Variants in WDR35 observed in about 807,000 individuals in gnomAD.
The protein encoded by WDR35 is WD repeat-containing protein 35.
WDR35 carries 118 observed loss-of-function variants against 158.3 expected under a neutral mutation model. That is an observed-to-expected ratio of 0.75 (90% confidence interval 0.64 to 0.87). The LOEUF is 0.87. Among genes scored for constraint, WDR35 ranks in the 40% least tolerant of loss-of-function variants. WDR35 has a pLI of 0.00. For synonymous variants in WDR35, 448 were observed against 476.1 expected (o/e 0.94, Z 0.77); for missense variants, 1,263 against 1,405.8 (o/e 0.90, Z 1.62).
intron 5 of WDR35, among the ~76,000 whole-genome samples, chr2:19,976,558 C>T (rs1318951429): frequency 2.0e-5 from 3 of 152,060 alleles, no homozygotes; most frequent in East Asian, 3.8e-4. Flanking sequence ...AGAAACCAAA[C>T]CTGTTGACAT....
In WDR35 at chr2:19,941,840, C is replaced by A; in HGVS notation, c.1846-1G>T. 1 of 1,561,822 alleles carries A rather than the reference C, an allele frequency of 6.4e-7. No homozygotes were observed. The highest frequency in any genetic ancestry group is 2.3e-5 in the East Asian group (1 of 44,034). On this transcript the variant is annotated splice_acceptor_variant, in intron 16 of 26. Coordinates refer to ENST00000281405, the MANE Select transcript of WDR35 (RefSeq NM_020779.4). LOFTEE classifies it high-confidence loss of function. ...TATATCCAGAGGTCTGAATGGGTTC[C>A]TTTAAAGACAAAAAAAAAGTTATGT...
intron 4 of WDR35, among the ~76,000 whole-genome samples, chr2:19,980,166 C>T (rs937764486): frequency 6.6e-6 from 1 of 152,218 alleles, no homozygotes; most frequent in South Asian, 2.1e-4. Context: ...TTTTTATCTA[C>T]TGAGATAACT....
At chr2:19,927,725 A>C (rs1670401086) in intron 25 of WDR35, among the ~76,000 whole-genome samples, 1 of 152,256 alleles carries the variant, frequency 6.6e-6, no homozygotes, top group Non-Finnish European at 1.5e-5. Flanking sequence ...CAAAATTAAA[A>C]GAACAAATAT....
In WDR35 at chr2:19,934,469, C is replaced by A. The variant is rs13011870; in HGVS notation, c.2548-958G>T. Among the ~76,000 whole-genome samples, 33,129 of 151,762 alleles carry A rather than the reference C, an allele frequency of 0.22. 3,980 individuals carry two copies. The highest frequency in any genetic ancestry group is 0.25 in the Non-Finnish European group (17,198 of 67,890). On this transcript the variant is annotated intron_variant, in intron 21 of 26. Coordinates refer to ENST00000281405, the MANE Select transcript of WDR35 (RefSeq NM_020779.4). The surrounding 1 kb of genome is among the most constrained non-coding windows in gnomAD (Gnocchi z 4.6). ...CCTACTTAAATATTATGTACACCTT[C>A]CCATATTATTAAAAATTCTTCTATA... is the stretch of plus-strand genomic sequence containing the variant.
chr2:19,924,235 G>A (rs2103389453), intron 25 of WDR35, among the ~76,000 whole-genome samples: 1 of 152,276 alleles, frequency 6.6e-6, no homozygotes, highest in East Asian at 1.9e-4. Context: ...AGAACCATAT[G>A]TGGATTTTAT....
chr2:19,956,988 A>C (rs1057451442), intron 11 of WDR35, among the ~76,000 whole-genome samples: 10 of 152,182 alleles, frequency 6.6e-5, no homozygotes, highest in African/African-American at 2.4e-4. Flanking sequence ...TAAATATATA[A>C]CACATATTAA....
intron 8 of WDR35, among the ~76,000 whole-genome samples, chr2:19,972,688 T>A (rs1242958154): frequency 6.6e-6 from 1 of 152,010 alleles, no homozygotes; most frequent in Non-Finnish European, 1.5e-5. Context: ...TCAGAAGACA[T>A]CATTTCTTGC....
At chr2:19,986,977 T>A (rs1236728258) in intron 2 of WDR35, among the ~76,000 whole-genome samples, 2 of 152,252 alleles carry the variant, frequency 1.3e-5, no homozygotes, top group African/African-American at 4.8e-5. Flanking sequence ...ATACAGTTGC[T>A]TTAATAGTAA....
chr2:19,973,811 T>G, intron 7 of WDR35, 103 bp from the exon 8 acceptor site: 1 of 1,483,654 alleles, frequency 6.7e-7, no homozygotes, highest in Non-Finnish European at 9.2e-7. Context: ...ACTTTCCACA[T>G]TTTTAAAAAA....
chr2:19,916,535 T>C (rs72779356), intron 25 of WDR35, among the ~76,000 whole-genome samples: 7,051 of 152,282 alleles, frequency 0.046, 194 homozygotes, highest in Non-Finnish European at 0.073. Context: ...TAACCTGGGA[T>C]GCTTGAGCTT....
chr2:19,926,629 C>A (rs1572318397), intron 25 of WDR35, among the ~76,000 whole-genome samples: 1 of 152,236 alleles, frequency 6.6e-6, no homozygotes, highest in Non-Finnish European at 1.5e-5. Flanking sequence ...GCATTATTAA[C>A]TTTAAATTTT....
chr2:19,946,491 G>A lies in WDR35; in HGVS notation c.1604C>T (p.Ala535Val), dbSNP rs1671057412. Residue 535 changes from alanine to valine, a missense_variant, in exon 15 of 27, where the codon GCC becomes GTC. By Grantham distance (64) the Ala-to-Val change is moderately conservative. Coordinates refer to ENST00000281405, the MANE Select transcript of WDR35 (RefSeq NM_020779.4). The stretch of plus-strand genomic sequence containing the variant: ...GTTGCAATTCAAGGATAACTGGTAG[G>A]CTCGACAATTAAGGGAATATTTTTG... ...LIQKYSLNCR[A>V]YQLSLNCNSS... 1 of 1,613,464 alleles carries A rather than the reference G, an allele frequency of 6.2e-7. No individual in the cohort carries two copies. Among genetic ancestry groups the A allele is most frequent in the Admixed American group, 1.7e-5 (1 of 59,992 alleles).
chr2:19,987,309 T>A (rs1672599772), intron 2 of WDR35, among the ~76,000 whole-genome samples: 1 of 152,198 alleles, frequency 6.6e-6, no homozygotes, highest in African/African-American at 2.4e-5. Flanking sequence ...ACAGCCATAT[T>A]CCTCATATTT....
chr2:19,967,055 T>C lies in WDR35; in HGVS notation c.1009-146A>G, dbSNP rs541496693. The stretch of plus-strand genomic sequence containing the variant: ...GCTGACAAAATATATTCTTCAGAAA[T>C]AGAAGACAGATTCAACCTTTTATAA... On this transcript the variant is annotated intron_variant, in intron 9 of 26. Coordinates refer to ENST00000281405, the MANE Select transcript of WDR35 (RefSeq NM_020779.4). 15 of 735,110 alleles carry C rather than the reference T, an allele frequency of 2.0e-5. No homozygotes were observed. In the East Asian group the frequency reaches 3.0e-4, roughly 15 times the overall value. The allele number at this position is 735,110 out of a possible 1,614,324, so 45.5% of individuals were successfully genotyped here.
At chr2:19,936,419 A>G (rs914597036) in intron 19 of WDR35, 54 bp from the exon 20 acceptor site, 1 of 1,611,960 alleles carries the variant, frequency 6.2e-7, no homozygotes, top group Non-Finnish European at 8.5e-7. Context: ...ATATTTACCA[A>G]GAGCCTGCTG....
At chr2:19,960,444 C>T in intron 11 of WDR35, 110 bp downstream of exon 11, 2 of 866,206 alleles carry the variant, frequency 2.3e-6, no homozygotes, top group Non-Finnish European at 3.7e-6. Flanking sequence ...GTATGGTCAT[C>T]CTCGTTTTAG....
In WDR35 at chr2:19,937,834, G is replaced by T; in HGVS notation, c.2176C>A (p.Leu726Ile). 6.2e-7 allele frequency: 1 copy of T among 1,614,142 alleles called. No homozygotes were observed. Among genetic ancestry groups the T allele is most frequent in the African/African-American group, 1.3e-5 (1 of 75,058 alleles). Residue 726 changes from leucine (L) to isoleucine (I), a missense_variant, in exon 19 of 27, where the codon CTA (leucine) becomes ATA (isoleucine). Coordinates refer to ENST00000281405, the MANE Select transcript of WDR35 (RefSeq NM_020779.4). ...GIKFVKRLGK[L>I]LSESMKQAEV... ...GCCTGTTTCATTGACTCACTCAGTA[G>T]TTTGCCCAAGCGCTTCACAAACTTA...
chr2:19,952,916 C>T (rs1305629221), intron 12 of WDR35, among the ~76,000 whole-genome samples: 2 of 150,778 alleles, frequency 1.3e-5, no homozygotes. Context: ...AGCCTCCCAT[C>T]AACATACTTT....
At chr2:19,962,479 T>A in intron 10 of WDR35, 1 of 744,760 alleles carries the variant, frequency 1.3e-6, no homozygotes, top group Non-Finnish European at 2.3e-6. Context: ...ACATTTTACA[T>A]CACATTGTTT....
Sources: allele counts gnomAD v4.1 joint callset (sites outside exome capture counted in the v4.1 genomes callset), GRCh38; gene constraint gnomAD v4.1.1; non-coding constraint Gnocchi (gnomAD v3.1); transcripts MANE v1.5; gene names NCBI Gene and HGNC (gene_info 2026-07-23, HGNC 2026-07-21).